ATP8A2: variants seen among roughly 807,000 people sequenced by gnomAD.
ATP8A2 encodes ATPase phospholipid transporting 8A2, also known as phospholipid-transporting ATPase IB.
ATP8A2 carries 100 observed loss-of-function variants against 165.6 expected under a neutral mutation model. The observed-to-expected ratio is 0.60, with a 90% CI of 0.51 to 0.71. The LOEUF is 0.71. Among genes scored for constraint, ATP8A2 ranks in the 30% least tolerant of loss-of-function variants. The probability of loss-of-function intolerance (pLI) is 0.00; values close to 1 mark genes in which losing one functional copy is unlikely to be tolerated. For missense variants in ATP8A2, 1,227 were observed against 1,479.5 expected, an observed-to-expected ratio of 0.83 and a Z score of 2.80; for synonymous variants, 543 against 548.8, an observed-to-expected ratio of 0.99 and a Z score of 0.15.
At chr13:25,888,723 G>C (rs1458345798) in intron 33 of ATP8A2, among the ~76,000 whole-genome samples, 2 of 152,204 alleles carry the variant, frequency 1.3e-5, no homozygotes, top group Admixed American at 1.3e-4. Flanking sequence ...GCCAAGCATG[G>C]TGGCGCATGT....
intron 2 of ATP8A2, among the ~76,000 whole-genome samples, chr13:25,472,828 C>G (rs555218439): frequency 3.9e-5 from 6 of 152,216 alleles, no homozygotes; most frequent in Non-Finnish European, 8.8e-5. Flanking sequence ...ACAGAGTTCT[C>G]TCCCCTACTT....
chr13:25,713,927 T>A (rs2043203707), intron 25 of ATP8A2, among the ~76,000 whole-genome samples: 1 of 152,120 alleles, frequency 6.6e-6, no homozygotes, highest in Admixed American at 6.6e-5. Flanking sequence ...ACTGTACAGT[T>A]ATGAATTAGA....
chr13:25,540,184 A>G, intron 7 of ATP8A2, 135 bp from the exon 8 acceptor site: 2 of 669,988 alleles, frequency 3.0e-6, no homozygotes, highest in South Asian at 3.6e-5. Context: ...CATTACTCCT[A>G]CTATCGTGGT....
At chr13:25,707,615 G>T in intron 25 of ATP8A2, among the ~76,000 whole-genome samples, 1 of 152,358 alleles carries the variant, frequency 6.6e-6, no homozygotes, top group Middle Eastern at 3.4e-3. Flanking sequence ...GTGAATAGAC[G>T]TGGATAACAT....
In ATP8A2 at chr13:25,574,310, A is replaced by C. The variant is rs187806544; in HGVS notation, c.1663-498A>C. Among the ~76,000 whole-genome samples, 144 of 152,300 alleles carry C rather than the reference A, an allele frequency of 9.5e-4. 1 individual carries two copies. The highest frequency in any genetic ancestry group is 5.9e-5 in the Non-Finnish European group (4 of 68,016). ...CAAAAGATTTTTCCTAAATTTGGTGAAGAGTTATTTGGCAGCAAAACCTAA... is the reference window on the plus strand; with the variant it reads ...CAAAAGATTTTTCCTAAATTTGGTGCAGAGTTATTTGGCAGCAAAACCTAA... On this transcript the variant is annotated intron_variant, in intron 18 of 36. Coordinates refer to ENST00000381655, the MANE Select transcript of ATP8A2 (RefSeq NM_016529.6).
At chr13:25,913,139 T>C (rs920323080) in intron 33 of ATP8A2, among the ~76,000 whole-genome samples, 6 of 152,212 alleles carry the variant, frequency 3.9e-5, no homozygotes, top group African/African-American at 1.4e-4. Flanking sequence ...TAGTACTGGA[T>C]AGGCCATCTG....
chr13:25,645,141 G>GT (rs2041637571), intron 24 of ATP8A2, among the ~76,000 whole-genome samples: 1 of 152,152 alleles, frequency 6.6e-6, no homozygotes, highest in South Asian at 2.1e-4. Flanking sequence ...TGGACTTACT[G>GT]TTCCTCATGG....
chr13:25,832,408 G>A (rs897163755), intron 28 of ATP8A2, among the ~76,000 whole-genome samples: 2 of 152,118 alleles, frequency 1.3e-5, no homozygotes. Flanking sequence ...ATCGTTTGAG[G>A]AAGAAAACTG....
In ATP8A2 at chr13:25,530,633, A is replaced by G; in HGVS notation, c.393A>G (p.Ala131=). 6.3e-7 allele frequency: 1 copy of G among 1,590,396 alleles called. No homozygotes were observed. Among genetic ancestry groups the G allele is most frequent in the Non-Finnish European group, 8.6e-7 (1 of 1,164,356 alleles). ...CATTGATCATTATTTTAACAATTGCAGGCATCAAAGAGATTGTAGAAGATT... is the reference window on the plus strand; with the variant it reads ...CATTGATCATTATTTTAACAATTGCGGGCATCAAAGAGATTGTAGAAGATT... ...LVPLIIILTI[A]GIKEIVEDFK... The change falls in exon 4 of 37, where the codon GCA becomes GCG. Residue 131 remains alanine (A), a synonymous_variant. Coordinates refer to ENST00000381655, the MANE Select transcript of ATP8A2 (RefSeq NM_016529.6).
chr13:25,888,790 C>T (rs547075928), intron 33 of ATP8A2, among the ~76,000 whole-genome samples: 2 of 152,226 alleles, frequency 1.3e-5, no homozygotes, highest in Admixed American at 1.3e-4. Context: ...ACCTGGGAGG[C>T]GGAGGTTGCG....
Position 25,661,089 on chromosome 13 carries a change from G to C in ATP8A2, c.2212-38084G>C, listed in dbSNP as rs145935713. On this transcript the variant is annotated intron_variant, in intron 24 of 36. Coordinates refer to ENST00000381655, the MANE Select transcript of ATP8A2 (RefSeq NM_016529.6). The stretch of plus-strand genomic sequence containing the variant: ...CACACGTGCGTCTCTGAGAGACAGA[G>C]ACAGAGTTCACTACATGTGGGTATG... Among the ~76,000 whole-genome samples the C allele has an allele frequency of 9.0e-3, 1,365 of 152,290 alleles. 7 individuals are homozygous for C. The highest frequency in any genetic ancestry group is 0.021 in the Admixed American group (328 of 15,296).
At chr13:25,841,301 C>T (rs1000773855) in intron 30 of ATP8A2, among the ~76,000 whole-genome samples, 3 of 152,226 alleles carry the variant, frequency 2.0e-5, no homozygotes, top group African/African-American at 7.2e-5. Flanking sequence ...TCTAATTCCT[C>T]CAAATTTGGC....
intron 30 of ATP8A2, among the ~76,000 whole-genome samples, chr13:25,842,535 G>A (rs1472816475): frequency 1.3e-5 from 2 of 152,080 alleles, no homozygotes; most frequent in Non-Finnish European, 1.5e-5. Context: ...AGCTGGGTGT[G>A]GTGGCAGGCA....
intron 24 of ATP8A2, among the ~76,000 whole-genome samples, chr13:25,667,069 A>T (rs1044181747): frequency 6.6e-6 from 1 of 152,166 alleles, no homozygotes; most frequent in African/African-American, 2.4e-5. Flanking sequence ...ATGTTTTGCA[A>T]CCACCACCTC....
chr13:25,446,273 G>T (rs1459219621), intron 1 of ATP8A2, among the ~76,000 whole-genome samples: 1 of 152,142 alleles, frequency 6.6e-6, no homozygotes, highest in East Asian at 1.9e-4. Flanking sequence ...CTCTAATGGT[G>T]CTTGGAATGC....
chr13:25,806,496 C>T (rs1287401103), intron 27 of ATP8A2, among the ~76,000 whole-genome samples: 1 of 151,944 alleles, frequency 6.6e-6, no homozygotes, highest in Non-Finnish European at 1.5e-5. Context: ...GTAATGCAGC[C>T]AGTAATGGTT....
At chr13:25,865,806 C>A (rs550876749) in intron 33 of ATP8A2, among the ~76,000 whole-genome samples, 1 of 152,150 alleles carries the variant, frequency 6.6e-6, no homozygotes, top group Admixed American at 6.5e-5. Flanking sequence ...AAGGGGCATC[C>A]TGTTTTTCCG....
chr13:25,660,263 G>T (rs186687873), intron 24 of ATP8A2, among the ~76,000 whole-genome samples: 1 of 152,226 alleles, frequency 6.6e-6, no homozygotes, highest in East Asian at 1.9e-4. Context: ...TTCAACGTTT[G>T]TGTGATTCTG....
chr13:25,630,558 G>A (rs2041216250), intron 24 of ATP8A2, among the ~76,000 whole-genome samples: 2 of 152,218 alleles, frequency 1.3e-5, no homozygotes, highest in Admixed American at 6.5e-5. Flanking sequence ...ATTAAGTGGC[G>A]GAACTGTGGT....
Sources: allele counts gnomAD v4.1 joint callset (sites outside exome capture counted in the v4.1 genomes callset), GRCh38; gene constraint gnomAD v4.1.1; transcripts MANE v1.5; gene names NCBI Gene and HGNC (gene_info 2026-07-23, HGNC 2026-07-21).